Variants in PCLO observed in about 807,000 individuals in gnomAD.
PCLO encodes protein piccolo.
Under a neutral mutation model 427.5 loss-of-function variants are expected in PCLO, and 82 were observed. The ratio of observed to expected loss-of-function variants is 0.19; its 90% CI spans 0.16 to 0.23. PCLO has a LOEUF of 0.23. Ranked by LOEUF, PCLO falls within the 10% of genes least tolerant of loss-of-function variation. The probability of loss-of-function intolerance (pLI) is 1.00; values close to 1 mark genes in which losing one functional copy is unlikely to be tolerated. For missense variants in PCLO, 6,239 were observed against 6,115.9 expected (o/e 1.02, Z -0.67); for synonymous variants, 2,357 against 2,155.4 (o/e 1.09, Z -2.59).
chr7:83,117,328 T>C (rs1386981358), intron 3 of PCLO, among the ~76,000 whole-genome samples: 1 of 152,230 alleles, frequency 6.6e-6, no homozygotes, highest in Non-Finnish European at 1.5e-5. Context: ...CTTAGTTAAC[T>C]GGCTGAAATT....
chr7:82,853,281 C>A (rs909351454), intron 10 of PCLO, among the ~76,000 whole-genome samples: 1 of 152,080 alleles, frequency 6.6e-6, no homozygotes, highest in Non-Finnish European at 1.5e-5. Flanking sequence ...GGCCTACTTT[C>A]ATCAAAGCAG....
Position 83,154,893 on chromosome 7 carries a change from C to A in PCLO, c.1748G>T (p.Gly583Val). ...SPSAKQPPSQ[G>V]LPKTICPLCN... ...AAGAGGACAGATGGTTTTAGGGAGG[C>A]CTTGTGAAGGAGGCTGTTTTGCAGA... Residue 583 changes from glycine (G) to valine (V), a missense_variant, in exon 2 of 25, where the codon GGC becomes GTC. Gly to Val is a moderately radical substitution (Grantham distance 109). Transcript: ENST00000333891. 2 of 1,613,998 alleles carry A rather than the reference C, an allele frequency of 1.2e-6. No homozygotes were observed. Among genetic ancestry groups the A allele is most frequent in the Non-Finnish European group, 1.7e-6 (2 of 1,179,890 alleles).
rs1793296533 is a variant in PCLO, at chr7:82,873,707, A to T, written c.13654+5630T>A. 2.0e-5 allele frequency among the ~76,000 whole-genome samples: 3 copies of T among 152,256 alleles called. No homozygotes were observed. In the South Asian group the frequency reaches 6.2e-4, roughly 32 times the overall value. ...TGTTTTGTGTCCTCACCCTTGCTCA[A>T]CCACAGAATAAAGACAATATTTTGG... On this transcript the variant is annotated intron_variant, in intron 10 of 24. Transcript: ENST00000333891.
chr7:83,037,315 C>G (rs1439545621), intron 3 of PCLO, among the ~76,000 whole-genome samples: 1 of 152,052 alleles, frequency 6.6e-6, no homozygotes, highest in East Asian at 1.9e-4. Context: ...AAACAGCGTT[C>G]TGCCATATCA....
chr7:82,821,598 A>G (rs1156823004), intron 20 of PCLO: 4 of 967,098 alleles, frequency 4.1e-6, no homozygotes, highest in Non-Finnish European at 4.9e-6. Context: ...TTATATAATT[A>G]TATCAATCGA....
At chr7:82,807,643 T>C (rs1791481409) in intron 20 of PCLO, among the ~76,000 whole-genome samples, 1 of 151,940 alleles carries the variant, frequency 6.6e-6, no homozygotes, top group South Asian at 2.1e-4. Flanking sequence ...GCAGGTTCTC[T>C]AAAGCCACAA....
At chr7:82,856,388 C>T (rs559136771) in intron 10 of PCLO, among the ~76,000 whole-genome samples, 17 of 152,176 alleles carry the variant, frequency 1.1e-4, no homozygotes, top group Admixed American at 3.3e-4. Flanking sequence ...TGATAAGATT[C>T]GATTTCTAAT....
intron 9 of PCLO, among the ~76,000 whole-genome samples, chr7:82,885,595 T>C (rs1793608530): frequency 6.6e-6 from 1 of 152,172 alleles, no homozygotes; most frequent in Non-Finnish European, 1.5e-5. Flanking sequence ...ACAACATATG[T>C]AGACATTATT....
At chr7:83,122,079 C>T (rs965557850) in intron 3 of PCLO, among the ~76,000 whole-genome samples, 6 of 151,930 alleles carry the variant, frequency 3.9e-5, no homozygotes, top group African/African-American at 1.5e-4. Flanking sequence ...TTAACTGATA[C>T]TGAAAAAAGC....
intron 16 of PCLO, among the ~76,000 whole-genome samples, chr7:82,831,434 A>C (rs1470810576): frequency 6.6e-6 from 1 of 151,962 alleles, no homozygotes. Context: ...TTAAATACAT[A>C]ATTTTTATAC....
At chr7:83,142,896 T>C (rs1791898387) in intron 2 of PCLO, among the ~76,000 whole-genome samples, 1 of 152,016 alleles carries the variant, frequency 6.6e-6, no homozygotes, top group Non-Finnish European at 1.5e-5. Context: ...AGATGGAGGT[T>C]GCAGTGAGTT....
intron 6 of PCLO, among the ~76,000 whole-genome samples, chr7:82,918,701 G>T (rs1794525837): frequency 6.6e-6 from 1 of 151,938 alleles, no homozygotes. Flanking sequence ...GGTAGATCTG[G>T]CATATGCATA....
At chr7:83,076,703 A>C (rs1789963625) in intron 3 of PCLO, among the ~76,000 whole-genome samples, 1 of 148,848 alleles carries the variant, frequency 6.7e-6, no homozygotes, top group Admixed American at 6.7e-5. Context: ...TGTTAGTTAC[A>C]TATTTTCCTT....
intron 16 of PCLO, 116 bp downstream of exon 16, chr7:82,835,551 T>A (rs557516139): frequency 9.7e-6 from 7 of 721,960 alleles, no homozygotes; most frequent in Non-Finnish European, 1.7e-5. Flanking sequence ...TACAAACATG[T>A]AGAAAAATAT....
intron 3 of PCLO, among the ~76,000 whole-genome samples, chr7:83,101,269 C>G (rs73178492): frequency 0.056 from 8,246 of 146,378 alleles, 351 homozygotes; most frequent in African/African-American, 0.11. Context: ...TAAAAACAAC[C>G]AAAAAATAAT....
At chr7:82,997,248 A>T (rs938823589) in intron 3 of PCLO, among the ~76,000 whole-genome samples, 3 of 151,938 alleles carry the variant, frequency 2.0e-5, no homozygotes, top group Non-Finnish European at 2.9e-5. Flanking sequence ...AGTCTCTTAA[A>T]GAGGAAAAGT....
intron 3 of PCLO, among the ~76,000 whole-genome samples, chr7:83,041,012 T>C (rs1218749431): frequency 6.6e-6 from 1 of 152,234 alleles, no homozygotes; most frequent in Non-Finnish European, 1.5e-5. Flanking sequence ...AAATTTAACT[T>C]CTATGAAATG....
At position 82,952,483 on chromosome 7, in the gene PCLO, G is replaced by A. The variant is rs1481841644; in HGVS notation, c.8470C>T (p.Leu2824Phe). The A allele has an allele frequency of 6.2e-7, 1 of 1,613,904 alleles. No homozygotes were observed. Among genetic ancestry groups the A allele is most frequent in the Non-Finnish European group, 8.5e-7 (1 of 1,179,838 alleles). Residue 2824 changes from leucine to phenylalanine, a missense_variant, in exon 5 of 25, where the codon CTC (leucine) becomes TTC (phenylalanine). Leu to Phe is a conservative substitution (Grantham distance 22). Coordinates refer to ENST00000333891, the MANE Select transcript of PCLO (RefSeq NM_033026.6). ...GCATGCTTTGATGTTGTAAGTTGGA[G>A]TGGTGTTGTCATTGCATGTTCTGCA... is the stretch of plus-strand genomic sequence containing the variant. ...VGAEHAMTTP[L>F]QLTTSKHAEP...
At chr7:83,017,580 T>C (rs371499133) in intron 3 of PCLO, among the ~76,000 whole-genome samples, 2 of 152,074 alleles carry the variant, frequency 1.3e-5, no homozygotes, top group East Asian at 1.9e-4. Flanking sequence ...AAACCTAGAT[T>C]TATTATTTTA....
Sources: allele counts gnomAD v4.1 joint callset (sites outside exome capture counted in the v4.1 genomes callset), GRCh38; gene constraint gnomAD v4.1.1; transcripts MANE v1.5; gene names NCBI Gene and HGNC (gene_info 2026-07-23, HGNC 2026-07-21).